Variants in EPB41L4B observed in about 807,000 individuals in gnomAD.
EPB41L4B encodes erythrocyte membrane protein band 4.1 like 4B, also known as band 4.1-like protein 4B.
A neutral mutation model predicts 112.5 loss-of-function variants in EPB41L4B; 30 were observed. The observed-to-expected ratio is 0.27, with a 90% confidence interval of 0.20 to 0.36. The LOEUF (loss-of-function observed/expected upper bound fraction) is 0.36. Among genes scored for constraint, EPB41L4B ranks in the 10% least tolerant of loss-of-function variants. The pLI, the probability that EPB41L4B is intolerant of heterozygous loss-of-function variation, is 1.00. For missense variants in EPB41L4B, 1,024 were observed against 1,133.3 expected (o/e 0.90, Z 1.38); for synonymous variants, 408 against 439.7 (o/e 0.93, Z 0.90).
intron 1 of EPB41L4B, among the ~76,000 whole-genome samples, chr9:109,299,618 C>G (rs761193490): frequency 1.2e-4 from 19 of 152,080 alleles, no homozygotes; most frequent in South Asian, 8.3e-4. Context: ...ATTGAAGCAT[C>G]ACATACCTAG....
chr9:109,216,570 G>T lies in EPB41L4B; in HGVS notation c.1633+352C>A, dbSNP rs183845400. On this transcript the variant is annotated intron_variant, in intron 16 of 25. Coordinates refer to ENST00000374566, the MANE Select transcript of EPB41L4B (RefSeq NM_019114.5). ...GCAGGAGAATTGCTCGGACCTGGGA[G>T]GGGGAGGGTGCAATGAGCCGAGATC... 7.0e-3 allele frequency among the ~76,000 whole-genome samples: 1,064 copies of T among 151,818 alleles called. 34 individuals carry two copies. The highest frequency in any genetic ancestry group is 0.06 in the Admixed American group (920 of 15,224).
In EPB41L4B at chr9:109,217,028, C is replaced by A; in HGVS notation, c.1527G>T (p.Gln509His). 6.2e-7 allele frequency: 1 copy of A among 1,614,186 alleles called. No homozygotes were observed. Among genetic ancestry groups the A allele is most frequent in the South Asian group, 1.1e-5 (1 of 91,084 alleles). ...AGTGGTGCTGGTGCTGATGCTGATG[C>A]TGGTGCTGGTGGTGATGCCTTCCTG... ...AASGRHHHQHQHQHQHQHHSN... is the reference protein window; with the variant it reads ...AASGRHHHQHHHQHQHQHHSN... The change falls in exon 16 of 26, where the codon CAG (glutamine) becomes CAT (histidine). Residue 509 changes from glutamine (Q) to histidine (H), a missense_variant. Physicochemically the swap from Gln to His is conservative, Grantham distance 24 (BLOSUM62 0). Coordinates refer to ENST00000374566, the MANE Select transcript of EPB41L4B (RefSeq NM_019114.5).
rs753205412 is a variant in EPB41L4B, at chr9:109,243,620, G to C, written c.1407C>G (p.Val469=). ...GCTCTGGAAGCACCAGCACTTACCT[G>C]ACATTTGGAGAGTGAGGATGCCACC... is the stretch of plus-strand genomic sequence containing the variant. The part of the protein sequence containing the change: ...QPRWHPHSPN[V]SYPLPSPVLS... The change falls in exon 15 of 26, where the codon GTC becomes GTG. Residue 469 remains valine (V), a splice_region_variant and synonymous_variant. Transcript: ENST00000374566. 2 of 1,613,992 alleles carry C rather than the reference G, an allele frequency of 1.2e-6. No individual in the cohort carries two copies. The highest frequency in any genetic ancestry group is 2.7e-5 in the African/African-American group (2 of 74,922).
At chr9:109,242,646 T>A (rs1022663344) in intron 15 of EPB41L4B, among the ~76,000 whole-genome samples, 1 of 151,862 alleles carries the variant, frequency 6.6e-6, no homozygotes, top group Non-Finnish European at 1.5e-5. Flanking sequence ...CCCAACAAAC[T>A]TTTTTTTGGC....
chr9:109,255,605 C>CTGCA lies in EPB41L4B; in HGVS notation c.1071_1074dup (p.Val359CysfsTer3), dbSNP rs1564297748. ...AGTCGGAAGAATGCGTGGTGCTCAA[C>CTGCA]TGCACACTTCCAAAGGTGTTTGCAG... On this transcript the variant is annotated frameshift_variant, in exon 11 of 26. Transcript: ENST00000374566. LOFTEE classifies it high-confidence loss of function. 1 of 1,614,206 alleles carries CTGCA rather than the reference C, an allele frequency of 6.2e-7. No individual in the cohort carries two copies. Among genetic ancestry groups the CTGCA allele is most frequent in the Admixed American group, 1.7e-5 (1 of 60,030 alleles).
intron 16 of EPB41L4B, among the ~76,000 whole-genome samples, chr9:109,215,180 C>T (rs1279333026): frequency 6.6e-6 from 1 of 152,220 alleles, no homozygotes; most frequent in Non-Finnish European, 1.5e-5. Flanking sequence ...TCTCAATACC[C>T]TCTACCCTAT....
intron 18 of EPB41L4B, among the ~76,000 whole-genome samples, chr9:109,206,343 T>C (rs10739272): frequency 0.53 from 80,625 of 151,922 alleles, 21,908 homozygotes; most frequent in African/African-American, 0.62. Flanking sequence ...CCACCACACC[T>C]GGCTAAGTTT....
At chr9:109,259,741 C>T (rs1370588919) in intron 6 of EPB41L4B, among the ~76,000 whole-genome samples, 1 of 152,182 alleles carries the variant, frequency 6.6e-6, no homozygotes, top group Non-Finnish European at 1.5e-5. Context: ...TTTCCTTTTA[C>T]CTGGTTTAAT....
intron 6 of EPB41L4B, among the ~76,000 whole-genome samples, chr9:109,261,488 G>A (rs575479309): frequency 2.0e-5 from 3 of 152,060 alleles, no homozygotes. Flanking sequence ...TTGAGGCCAG[G>A]AGTTCAAGAC....
At position 109,247,768 on chromosome 9, in the gene EPB41L4B, G is replaced by A. The variant is rs1463441139; in HGVS notation, c.1332C>T (p.Val444=). 9.4e-6 allele frequency: 14 copies of A among 1,493,468 alleles called. No individual in the cohort carries two copies. Among genetic ancestry groups the A allele is most frequent in the Non-Finnish European group, 1.2e-5 (14 of 1,120,896 alleles). 92.5% of individuals were successfully genotyped at this position (1,493,468 alleles called of 1,614,324 possible). ...AQLCSKTNPE[V]HNYQPQYHPN... is the part of the protein sequence containing the mutation. ...AGCAGTATCTTACCTGGTAATTATG[G>A]ACTTCTGGATTTGTTTTAGAGCTAA... Residue 444 remains valine (V), a synonymous_variant, in exon 14 of 26, where the codon GTC becomes GTT. Coordinates refer to ENST00000374566, the MANE Select transcript of EPB41L4B (RefSeq NM_019114.5).
chr9:109,220,672 C>T (rs1002215115), intron 15 of EPB41L4B, among the ~76,000 whole-genome samples: 11 of 152,146 alleles, frequency 7.2e-5, no homozygotes, highest in Admixed American at 5.2e-4. Context: ...CTACATTGCC[C>T]CATGAGCTGC....
intron 18 of EPB41L4B, among the ~76,000 whole-genome samples, chr9:109,207,152 TA>T (rs150284570): frequency 0.06 from 9,165 of 152,264 alleles, 404 homozygotes; most frequent in Admixed American, 0.13. Context: ...TCCAAATATC[TA>T]AATTTTAATG....
chr9:109,174,778 G>C (rs1831752889), intron 25 of EPB41L4B, among the ~76,000 whole-genome samples, 155 bp from the exon 26 acceptor site: 1 of 152,106 alleles, frequency 6.6e-6, no homozygotes, highest in Non-Finnish European at 1.5e-5. Flanking sequence ...TAGCATTTCA[G>C]TGATCTGAAA....
At chr9:109,252,550 A>G (rs1469977371) in intron 12 of EPB41L4B, among the ~76,000 whole-genome samples, 1 of 152,178 alleles carries the variant, frequency 6.6e-6, no homozygotes, top group Non-Finnish European at 1.5e-5. Flanking sequence ...TTCATAAAGG[A>G]AAGAATGGTG....
At chr9:109,207,456 C>G (rs1262399455) in intron 18 of EPB41L4B, among the ~76,000 whole-genome samples, 1 of 152,112 alleles carries the variant, frequency 6.6e-6, no homozygotes, top group Non-Finnish European at 1.5e-5. Context: ...CCTGTAGTCC[C>G]AGCTACTCGG....
intron 15 of EPB41L4B, among the ~76,000 whole-genome samples, chr9:109,222,123 G>C (rs1164380930): frequency 2.0e-5 from 3 of 152,144 alleles, no homozygotes; most frequent in Admixed American, 6.5e-5. Flanking sequence ...AGATATATAT[G>C]CAGGGAGTGA....
chr9:109,313,025 GAGGGC>G (rs1837475613), intron 1 of EPB41L4B, among the ~76,000 whole-genome samples: 2 of 152,194 alleles, frequency 1.3e-5, no homozygotes, highest in African/African-American at 4.8e-5. Context: ...AGGATCTCCT[GAGGGC>G]AGAAGTTCCA....
At chr9:109,197,956 T>C (rs1298130526) in intron 20 of EPB41L4B, among the ~76,000 whole-genome samples, 1 of 152,214 alleles carries the variant, frequency 6.6e-6, no homozygotes. Context: ...CATTTTGAGT[T>C]TCAAAATGTA....
chr9:109,262,900 T>C, intron 6 of EPB41L4B, 150 bp downstream of exon 6: 1 of 571,256 alleles, frequency 1.8e-6, no homozygotes, highest in Non-Finnish European at 3.1e-6. Flanking sequence ...CCTTCCTCAC[T>C]GGACTGCACG....
Sources: gnomAD v4.1 joint callset for allele counts (sites outside exome capture counted in the v4.1 genomes callset) on GRCh38, gnomAD v4.1.1 for gene constraint, MANE v1.5 for transcripts, NCBI Gene and HGNC (gene_info 2026-07-23, HGNC 2026-07-21) for gene names.